STAU2: variants seen among roughly 807,000 people sequenced by gnomAD.
STAU2 encodes the protein double-stranded RNA-binding protein Staufen homolog 2.
A neutral mutation model predicts 65.9 loss-of-function variants in STAU2; 20 were observed. The ratio of observed to expected loss-of-function variants is 0.30; its 90% CI spans 0.21 to 0.44. STAU2 has a LOEUF of 0.44. STAU2 is among the 20% of genes least tolerant of loss of function. STAU2 has a pLI of 1.00. For missense variants in STAU2, 558 were observed against 683.9 expected (o/e 0.82, Z 2.05); for synonymous variants, 232 against 233.9 (o/e 0.99, Z 0.07).
chr8:73,535,729 G>A (rs1052499053), intron 13 of STAU2, among the ~76,000 whole-genome samples: 1 of 152,100 alleles, frequency 6.6e-6, no homozygotes, highest in Non-Finnish European at 1.5e-5. Context: ...ACGGCAGAGG[G>A]CTTTGTAAAG....
intron 3 of STAU2, among the ~76,000 whole-genome samples, chr8:73,714,585 G>GA (rs1159195370): frequency 6.6e-6 from 1 of 151,784 alleles, no homozygotes; most frequent in East Asian, 1.9e-4. Context: ...AAAACTAACG[G>GA]AAATTAGCTA....
chr8:73,438,504 C>G (rs576602440), intron 13 of STAU2, among the ~76,000 whole-genome samples: 1 of 152,160 alleles, frequency 6.6e-6, no homozygotes, highest in Non-Finnish European at 1.5e-5. Flanking sequence ...GCCACCAGGG[C>G]GAGTGGGAAT....
chr8:73,696,874 C>T (rs558899507), intron 4 of STAU2, among the ~76,000 whole-genome samples: 40 of 152,104 alleles, frequency 2.6e-4, no homozygotes, highest in African/African-American at 9.2e-4. Flanking sequence ...CATTCAAATA[C>T]AAGAAGGTTA....
intron 13 of STAU2, chr8:73,440,225 G>A (rs1818038110): frequency 6.6e-6 from 1 of 152,122 alleles, no homozygotes; most frequent in Non-Finnish European, 1.5e-5. Context: ...TCTCTCCCTG[G>A]ATGATTTCAC....
chr8:73,691,186 C>T (rs938670282), intron 4 of STAU2, among the ~76,000 whole-genome samples: 2 of 152,100 alleles, frequency 1.3e-5, no homozygotes, highest in Non-Finnish European at 2.9e-5. Context: ...TCCACAAACT[C>T]AAGAGGTAAA....
chr8:73,598,892 A>G (rs1331550052), intron 10 of STAU2, among the ~76,000 whole-genome samples: 1 of 152,242 alleles, frequency 6.6e-6, no homozygotes, highest in Non-Finnish European at 1.5e-5. Flanking sequence ...TATTAAAAAG[A>G]TAACATTTAC....
At chr8:73,476,240 C>T (rs1383039943) in intron 13 of STAU2, among the ~76,000 whole-genome samples, 5 of 152,134 alleles carry the variant, frequency 3.3e-5, no homozygotes, top group Non-Finnish European at 7.4e-5. Flanking sequence ...CCTCTGAGGA[C>T]ATTTAGCTGA....
intron 10 of STAU2, among the ~76,000 whole-genome samples, chr8:73,600,822 C>A (rs1811583180): frequency 6.6e-6 from 1 of 152,208 alleles, no homozygotes; most frequent in Non-Finnish European, 1.5e-5. Context: ...ATTCATTTAC[C>A]CATTCACCCA....
In STAU2 at chr8:73,602,463, C is replaced by T. The variant is rs976263694; in HGVS notation, c.1029+1263G>A. Reference sequence around the variant, plus strand: ...GTGGCTCACGCCTGTAATCCTAACACTTTGAGAGGCTGAAGCAGGAGGATC... The same window carrying T: ...GTGGCTCACGCCTGTAATCCTAACATTTTGAGAGGCTGAAGCAGGAGGATC... On this transcript the variant is annotated intron_variant, in intron 10 of 14. Transcript: ENST00000524300. 4.6e-5 allele frequency among the ~76,000 whole-genome samples: 7 copies of T among 152,176 alleles called. 1 individual carries two copies. The South Asian group carries it at 6.2e-4, about 13-fold the overall frequency.
At chr8:73,471,796 C>G (rs1445449219) in intron 13 of STAU2, among the ~76,000 whole-genome samples, 1 of 104,656 alleles carries the variant, frequency 9.6e-6, no homozygotes, top group Non-Finnish European at 1.8e-5. Context: ...CCCGCCTGGG[C>G]AACAAGGGCG....
chr8:73,672,978 T>C (rs1393348368), intron 6 of STAU2, 129 bp downstream of exon 6: 1 of 830,730 alleles, frequency 1.2e-6, no homozygotes, highest in Non-Finnish European at 1.7e-6. Flanking sequence ...GAACCTGCTT[T>C]ATCTAAATTC....
chr8:73,503,367 C>T (rs1821870072), intron 13 of STAU2, among the ~76,000 whole-genome samples: 2 of 152,102 alleles, frequency 1.3e-5, no homozygotes, highest in African/African-American at 4.8e-5. Context: ...GGCTCATTTC[C>T]TTGGATGATA....
Position 73,486,867 on chromosome 8 carries a change from G to T in STAU2, c.1531-64165C>A, listed in dbSNP as rs370513683. Among the ~76,000 whole-genome samples the T allele has an allele frequency of 7.3e-4, 110 of 151,618 alleles. 1 individual carries two copies. In the South Asian group the frequency reaches 0.022, roughly 30 times the overall value. ...AGAGTCTTGCTATATTGCCCAGGCT[G>T]GTCTTGAACTCCTGGGCTCAAGTGA... On this transcript the variant is annotated intron_variant, in intron 13 of 14. Coordinates refer to ENST00000524300, the MANE Select transcript of STAU2 (RefSeq NM_001164380.2).
At chr8:73,693,587 G>A (rs150150369) in intron 4 of STAU2, among the ~76,000 whole-genome samples, 9 of 151,324 alleles carry the variant, frequency 5.9e-5, no homozygotes, top group Non-Finnish European at 1.0e-4. Flanking sequence ...TACCACCATC[G>A]ACATGAACAT....
At chr8:73,437,479 C>T (rs1346885477) in intron 13 of STAU2, among the ~76,000 whole-genome samples, 2 of 152,282 alleles carry the variant, frequency 1.3e-5, no homozygotes, top group Middle Eastern at 3.4e-3. Context: ...GGCTTCTCCC[C>T]TAGAGCCTCC....
At chr8:73,615,323 C>A (rs1282084757) in intron 8 of STAU2, among the ~76,000 whole-genome samples, 1 of 151,928 alleles carries the variant, frequency 6.6e-6, no homozygotes, top group Admixed American at 6.6e-5. Flanking sequence ...TGGATATTAA[C>A]ATGTATGTCA....
chr8:73,519,850 T>C (rs1822947941), intron 13 of STAU2, among the ~76,000 whole-genome samples: 1 of 152,180 alleles, frequency 6.6e-6, no homozygotes, highest in Admixed American at 6.5e-5. Context: ...CACTGCCCAG[T>C]GGGGTAGACC....
chr8:73,450,338 A>G (rs1290202524), intron 13 of STAU2, among the ~76,000 whole-genome samples: 1 of 152,206 alleles, frequency 6.6e-6, no homozygotes, highest in African/African-American at 2.4e-5. Context: ...TATCTTATGT[A>G]GTTTAAAACT....
intron 3 of STAU2, among the ~76,000 whole-genome samples, chr8:73,710,376 C>CTTTT (rs11389924): frequency 7.5e-6 from 1 of 133,666 alleles, no homozygotes; most frequent in African/African-American, 2.8e-5. Context: ...GGCTTCTATC[C>CTTTT]TTTTTTTTTT....
Sources: allele counts gnomAD v4.1 joint callset (sites outside exome capture counted in the v4.1 genomes callset), GRCh38; gene constraint gnomAD v4.1.1; transcripts MANE v1.5; gene names NCBI Gene and HGNC (gene_info 2026-07-23, HGNC 2026-07-21).